Variants in TFCP2L1 observed in about 807,000 individuals in gnomAD.
TFCP2L1 encodes transcription factor CP2-like protein 1.
A neutral mutation model predicts 72.2 loss-of-function variants in TFCP2L1; 12 were observed. That is an observed-to-expected ratio of 0.17 (90% CI 0.11 to 0.27). The LOEUF (loss-of-function observed/expected upper bound fraction) is 0.27, where lower values mean the gene tolerates loss of function less well. Among genes scored for constraint, TFCP2L1 ranks in the 10% least tolerant of loss-of-function variants. The pLI, the probability that TFCP2L1 is intolerant of heterozygous loss-of-function variation, is 1.00. For synonymous variants in TFCP2L1, 260 were observed against 251.0 expected (o/e 1.04, Z -0.34); for missense variants, 488 against 624.6 (o/e 0.78, Z 2.33).
Position 121,235,330 on chromosome 2 carries a change from G to GGGATGC in TFCP2L1, c.1004-25_1004-20dup, listed in dbSNP as rs1199777139. ...TCAGCACCTAGGCAGGAAAAAAACG[G>GGGATGC]GGATGCCTGTTACATGGAACCCAGA... On this transcript the variant is annotated intron_variant, in intron 10 of 14. Coordinates refer to ENST00000263707, the MANE Select transcript of TFCP2L1 (RefSeq NM_014553.3). 6 of 1,613,646 alleles carry GGGATGC rather than the reference G, an allele frequency of 3.7e-6. No individual in the cohort carries two copies. The highest frequency in any genetic ancestry group is 4.2e-6 in the Non-Finnish European group (5 of 1,179,690).
intron 2 of TFCP2L1, among the ~76,000 whole-genome samples, chr2:121,258,797 T>C (rs1022924472): frequency 2.6e-5 from 4 of 152,194 alleles, no homozygotes; most frequent in Non-Finnish European, 5.9e-5. Context: ...AAAAACCTGC[T>C]ACGGGACATC....
At chr2:121,237,117 T>A (rs1295457053) in intron 10 of TFCP2L1, among the ~76,000 whole-genome samples, 1 of 151,520 alleles carries the variant, frequency 6.6e-6, no homozygotes, top group Admixed American at 6.6e-5. Flanking sequence ...TCAGTTCACC[T>A]TTGCACTCCA....
intron 2 of TFCP2L1, among the ~76,000 whole-genome samples, chr2:121,261,251 C>A (rs1018521742): frequency 6.6e-6 from 1 of 152,354 alleles, no homozygotes; most frequent in East Asian, 1.9e-4. Context: ...ATGAATGCCA[C>A]AGGCTAGGCA....
intron 2 of TFCP2L1, among the ~76,000 whole-genome samples, chr2:121,250,507 A>G (rs1322985159): frequency 6.6e-6 from 1 of 152,102 alleles, no homozygotes; most frequent in Admixed American, 6.5e-5. Flanking sequence ...AAAATTAAAT[A>G]CTGAACTACA....
chr2:121,252,660 GC>G, intron 2 of TFCP2L1, among the ~76,000 whole-genome samples: 1 of 152,198 alleles, frequency 6.6e-6, no homozygotes, highest in East Asian at 1.9e-4. Flanking sequence ...GAAGCCTGGG[GC>G]CACCAAAGCT....
In TFCP2L1 at chr2:121,234,139, C is replaced by A. The variant is rs959077814; in HGVS notation, c.1150G>T (p.Val384Leu). Residue 384 changes from valine to leucine, a missense_variant, in exon 12 of 15, where the codon GTG becomes TTG. Transcript: ENST00000263707. The part of the protein sequence containing the change: ...YVCQELEQNR[V>L]PLQQKRDGSG... ...CCGTCCCGCTTCTGCTGCAGGGGCACTCGATTCTGCTCCAGCTCCTGACAG... is the reference window on the plus strand; with the variant it reads ...CCGTCCCGCTTCTGCTGCAGGGGCAATCGATTCTGCTCCAGCTCCTGACAG... 5.6e-6 allele frequency: 9 copies of A among 1,614,044 alleles called. No individual in the cohort carries two copies. Among genetic ancestry groups the A allele is most frequent in the Non-Finnish European group, 8.5e-7 (1 of 1,180,046 alleles).
chr2:121,256,733 G>A (rs747803245), intron 2 of TFCP2L1, among the ~76,000 whole-genome samples: 4 of 151,904 alleles, frequency 2.6e-5, no homozygotes, highest in Admixed American at 1.3e-4. Context: ...GCAAGATGGC[G>A]TCATTGCACT....
At chr2:121,225,068 C>T (rs748034031) in intron 14 of TFCP2L1, among the ~76,000 whole-genome samples, 2 of 151,982 alleles carry the variant, frequency 1.3e-5, no homozygotes, top group African/African-American at 2.4e-5. Context: ...GTCTATGAGT[C>T]GGTCAGAGGG....
In TFCP2L1 at chr2:121,235,574, CTTTTT is replaced by C. The variant is rs34634906; in HGVS notation, c.1004-268_1004-264del. Among the ~76,000 whole-genome samples the C allele has an allele frequency of 1.2e-3, 141 of 119,798 alleles. 4 individuals are homozygous for C. In the Middle Eastern group the frequency reaches 0.017, roughly 14 times the overall value. 78.6% of individuals were successfully genotyped at this position (119,798 alleles called of 152,430 possible). A position where few individuals can be genotyped will look rare whatever the true frequency, so the allele number is the denominator to read the frequency against. On this transcript the variant is annotated intron_variant, in intron 10 of 14. Coordinates refer to ENST00000263707, the MANE Select transcript of TFCP2L1 (RefSeq NM_014553.3). ...CCTGCCCTGCTTGCTTTCTTTCTTTCTTTTTTTTTTTTTTTTTTTTTTTAAGAGAC... is the reference window on the plus strand; with the variant it reads ...CCTGCCCTGCTTGCTTTCTTTCTTTCTTTTTTTTTTTTTTTTTTAAGAGAC...
chr2:121,231,291 G>C (rs987860950), intron 13 of TFCP2L1, among the ~76,000 whole-genome samples: 1 of 152,220 alleles, frequency 6.6e-6, no homozygotes, highest in South Asian at 2.1e-4. Context: ...TTCAACACCC[G>C]CTTCTTAGCC....
rs1278793758 is a variant in TFCP2L1, at chr2:121,285,176, C to T, written c.-67G>A. ...CGCAGACGCGGGGCGCGCCGAGGAC[C>T]CAGCGGCGGCTTCGCGCTCCGAACC... On this transcript the variant is annotated 5_prime_UTR_variant, in exon 1 of 15. Transcript: ENST00000263707. 1 of 1,318,756 alleles carries T rather than the reference C, an allele frequency of 7.6e-7. No individual in the cohort carries two copies. The highest frequency in any genetic ancestry group is 9.7e-7 in the Non-Finnish European group (1 of 1,027,388). The allele number at this position is 1,318,756 out of a possible 1,614,324, so 81.7% of individuals were successfully genotyped here.
Position 121,226,984 on chromosome 2 carries a change from G to A in TFCP2L1, c.1342-1371C>T, listed in dbSNP as rs573497649. Among the ~76,000 whole-genome samples, 8 of 152,284 alleles carry A rather than the reference G, an allele frequency of 5.3e-5. No individual in the cohort carries two copies. In the East Asian group the frequency reaches 5.8e-4, roughly 11 times the overall value. On this transcript the variant is annotated intron_variant, in intron 13 of 14. Transcript: ENST00000263707. ...GTAACACCAAACTCCTACCAGCCCC[G>A]TCAGTCAACAGCAGAAGCATGAACC...
rs149699440 is a variant in TFCP2L1 at position 121,224,284 on chromosome 2, C to T, written c.*57G>A. 982 of 1,603,080 alleles carry T rather than the reference C, an allele frequency of 6.1e-4. 9 individuals carry two copies. In the African/African-American group the frequency reaches 0.011, roughly 17 times the overall value. The stretch of plus-strand genomic sequence containing the variant: ...ACAGCTTACAGTGGGGCAATGTCTA[C>T]ATCCACGGGGATCCACAGGGCTGGG... On this transcript the variant is annotated 3_prime_UTR_variant, in exon 15 of 15. Transcript: ENST00000263707.
At chr2:121,268,559 T>C (rs796478716) in intron 2 of TFCP2L1, among the ~76,000 whole-genome samples, 1 of 152,118 alleles carries the variant, frequency 6.6e-6, no homozygotes, top group African/African-American at 2.4e-5. Context: ...AAAGTATCCC[T>C]ATATGGCAAA....
At chr2:121,246,762 G>A (rs1686495876) in intron 6 of TFCP2L1, 56 bp downstream of exon 6, 1 of 1,604,824 alleles carries the variant, frequency 6.2e-7, no homozygotes, top group African/African-American at 1.3e-5. Context: ...GTGGGCGAAT[G>A]TGACCACAGG....
intron 2 of TFCP2L1, among the ~76,000 whole-genome samples, chr2:121,254,618 C>T (rs980393066): frequency 1.3e-5 from 2 of 152,140 alleles, no homozygotes; most frequent in African/African-American, 2.4e-5. Context: ...GCCAACATGG[C>T]GAAACCCTGT....
chr2:121,269,781 C>T (rs1399019846), intron 2 of TFCP2L1, among the ~76,000 whole-genome samples: 5 of 151,648 alleles, frequency 3.3e-5, no homozygotes, highest in South Asian at 4.2e-4. Context: ...TGGTAGTGGA[C>T]ACCTGTAATC....
chr2:121,256,909 T>C (rs1310283076), intron 2 of TFCP2L1, among the ~76,000 whole-genome samples: 4 of 151,688 alleles, frequency 2.6e-5, no homozygotes, highest in South Asian at 4.2e-4. Context: ...TGTTGGAGGG[T>C]TGAAGGTGCA....
chr2:121,249,275 A>C (rs17006283), intron 3 of TFCP2L1, among the ~76,000 whole-genome samples, 188 bp from the exon 4 acceptor site: 32,265 of 152,104 alleles, frequency 0.21, 3,799 homozygotes, highest in South Asian at 0.35. Flanking sequence ...CAGCAACAAC[A>C]GTGATGACTA....
Sources: gnomAD v4.1 joint callset for allele counts (sites outside exome capture counted in the v4.1 genomes callset) on GRCh38, gnomAD v4.1.1 for gene constraint, MANE v1.5 for transcripts, NCBI Gene and HGNC (gene_info 2026-07-23, HGNC 2026-07-21) for gene names.